MAPKAPK2: variants seen among roughly 807,000 people sequenced by gnomAD.
The protein encoded by MAPKAPK2 is MAP kinase-activated protein kinase 2.
MAPKAPK2 carries 9 observed loss-of-function variants against 48.8 expected under a neutral mutation model. The ratio of observed to expected loss-of-function variants is 0.18; its 90% CI spans 0.11 to 0.32. MAPKAPK2 has a LOEUF of 0.32. MAPKAPK2 is among the 10% of genes least tolerant of loss of function. The pLI, the probability that MAPKAPK2 is intolerant of heterozygous loss-of-function variation, is 1.00. For synonymous variants in MAPKAPK2, 202 were observed against 190.6 expected, an observed-to-expected ratio of 1.06 and a Z score of -0.49; for missense variants, 331 against 498.3, an observed-to-expected ratio of 0.66 and a Z score of 3.20.
chr1:206,696,766 A>T (rs74147160), intron 1 of MAPKAPK2, among the ~76,000 whole-genome samples: 2,088 of 152,306 alleles, frequency 0.014, 36 homozygotes, highest in African/African-American at 0.048. Flanking sequence ...TAGCTGCTGA[A>T]TAAAGGTGTG....
At chr1:206,716,775 C>T (rs1247741521) in intron 1 of MAPKAPK2, among the ~76,000 whole-genome samples, 1 of 151,938 alleles carries the variant, frequency 6.6e-6, no homozygotes, top group African/African-American at 2.4e-5. Flanking sequence ...CTAGTTTGTC[C>T]ATCTCTGTGG....
At chr1:206,709,218 A>T (rs1039406599) in intron 1 of MAPKAPK2, among the ~76,000 whole-genome samples, 1 of 152,188 alleles carries the variant, frequency 6.6e-6, no homozygotes, top group African/African-American at 2.4e-5. Flanking sequence ...CTGTTATCAC[A>T]TCCAGTCCCT....
At chr1:206,695,931 C>T in intron 1 of MAPKAPK2, 3 of 664,768 alleles carry the variant, frequency 4.5e-6, no homozygotes, top group Non-Finnish European at 2.7e-6. Flanking sequence ...GGCAAGGGCC[C>T]TGAGGGCCAC....
intron 1 of MAPKAPK2, among the ~76,000 whole-genome samples, chr1:206,725,900 C>G (rs782491721): frequency 2.8e-4 from 42 of 152,142 alleles, no homozygotes; most frequent in Non-Finnish European, 3.1e-4. Flanking sequence ...TCTTCTGCCC[C>G]CCACTAGCCT....
At chr1:206,701,718 G>T (rs972914118) in intron 1 of MAPKAPK2, among the ~76,000 whole-genome samples, 6 of 150,000 alleles carry the variant, frequency 4.0e-5, no homozygotes, top group African/African-American at 1.5e-4. Flanking sequence ...CACATGGTTC[G>T]ATCTACTCAG....
intron 1 of MAPKAPK2, among the ~76,000 whole-genome samples, chr1:206,711,040 T>G (rs1199372576): frequency 1.3e-5 from 2 of 152,232 alleles, no homozygotes; most frequent in Non-Finnish European, 2.9e-5. Flanking sequence ...ATTTTCCTCA[T>G]TGGTGATTAG....
chr1:206,729,277 G>T (rs1336891725), intron 3 of MAPKAPK2, 119 bp from the exon 4 acceptor site: 18 of 1,079,530 alleles, frequency 1.7e-5, no homozygotes, highest in Admixed American at 8.7e-5. Context: ...TCTGGGGTGG[G>T]TGGTGGCTGT....
At position 206,730,013 on chromosome 1, in the gene MAPKAPK2, C is replaced by G; in HGVS notation, c.606C>G (p.Ile202Met). The G allele has an allele frequency of 6.2e-7, 1 of 1,614,276 alleles. No individual in the cohort carries two copies. Among genetic ancestry groups the G allele is most frequent in the African/African-American group, 1.3e-5 (1 of 75,078 alleles). ...LLYTSKRPNA[I>M]LKLTDFGFAK... ...ACACCTCCAAAAGGCCCAACGCCAT[C>G]CTGAAACTCACTGACTTTGGCTTTG... is the stretch of plus-strand genomic sequence containing the variant. Residue 202 changes from isoleucine (I) to methionine (M), a missense_variant, in exon 5 of 10, where the codon ATC becomes ATG. Transcript: ENST00000367103.
rs781869432 is a variant in MAPKAPK2 at position 206,731,113 on chromosome 1, C to T, written c.768-25C>T. The T allele has an allele frequency of 1.4e-5, 23 of 1,614,186 alleles. No homozygotes were observed. The Admixed American group carries it at 2.2e-4, about 15-fold the overall frequency. ...ACTAAGTGACAGCTGTTCTGTCTCC[C>T]ACTTCCTTCCTCCTGTTGATGCAGG... On this transcript the variant is annotated intron_variant, in intron 6 of 9. Coordinates refer to ENST00000367103, the MANE Select transcript of MAPKAPK2 (RefSeq NM_032960.4). The surrounding 1 kb of genome is among the most constrained non-coding windows in gnomAD (Gnocchi z 5.9).
chr1:206,722,520 C>T (rs1673555996), intron 1 of MAPKAPK2, among the ~76,000 whole-genome samples: 1 of 152,030 alleles, frequency 6.6e-6, no homozygotes, highest in Non-Finnish European at 1.5e-5. Flanking sequence ...TATCTTTATT[C>T]TTGAATAAAA....
intron 1 of MAPKAPK2, among the ~76,000 whole-genome samples, chr1:206,717,619 C>T (rs1208299137): frequency 6.6e-6 from 1 of 152,158 alleles, no homozygotes; most frequent in Non-Finnish European, 1.5e-5. Flanking sequence ...TGGCCTCTGA[C>T]CTAGAGTTAT....
chr1:206,712,710 A>C (rs1013688024), intron 1 of MAPKAPK2, among the ~76,000 whole-genome samples: 4 of 152,086 alleles, frequency 2.6e-5, no homozygotes, highest in Non-Finnish European at 5.9e-5. Flanking sequence ...TGCCTGCTGT[A>C]ATCCCAGTAT....
intron 1 of MAPKAPK2, among the ~76,000 whole-genome samples, chr1:206,687,100 CAGGAGTGTTTGCTG>C: frequency 6.6e-6 from 1 of 152,292 alleles, no homozygotes; most frequent in Non-Finnish European, 1.5e-5. Flanking sequence ...ACGGTCTTTA[CAGGAGTGTTTGCTG>C]TCCCCTCTGA....
chr1:206,687,850 A>T (rs1022025226), intron 1 of MAPKAPK2, among the ~76,000 whole-genome samples: 6 of 152,192 alleles, frequency 3.9e-5, no homozygotes, highest in African/African-American at 1.4e-4. Context: ...TCTATTCTAC[A>T]GTGTGCCGAG....
chr1:206,726,353 C>T (rs1673701645), intron 1 of MAPKAPK2, among the ~76,000 whole-genome samples: 1 of 152,262 alleles, frequency 6.6e-6, no homozygotes, highest in African/African-American at 2.4e-5. Flanking sequence ...TGCCACTGCA[C>T]TCCAGCCTGG....
At chr1:206,717,248 G>A (rs1230996360) in intron 1 of MAPKAPK2, among the ~76,000 whole-genome samples, 3 of 152,190 alleles carry the variant, frequency 2.0e-5, no homozygotes, top group South Asian at 4.1e-4. Flanking sequence ...CTTGGTTGCC[G>A]CACCTGTACG....
At chr1:206,706,486 G>C (rs1572492412) in intron 1 of MAPKAPK2, among the ~76,000 whole-genome samples, 1 of 152,318 alleles carries the variant, frequency 6.6e-6, no homozygotes, top group East Asian at 1.9e-4. Context: ...AACTGGGCTT[G>C]TACTTGCAGA....
chr1:206,728,748 G>C lies in MAPKAPK2; in HGVS notation c.318G>C (p.Glu106Asp). Residue 106 changes from glutamate (E) to aspartate (D), a missense_variant, in exon 2 of 10, where the codon GAG (glutamate) becomes GAC (aspartate). Transcript: ENST00000367103. The stretch of plus-strand genomic sequence containing the variant: ...GCCCCAAGGCCCGCAGGGAGGTGGA[G>C]CTGCACTGGCGGGCCTCCCAGTGCC... Reference protein sequence around the residue: ...QDCPKARREVELHWRASQCPH... With the variant: ...QDCPKARREVDLHWRASQCPH... 6.2e-7 allele frequency: 1 copy of C among 1,614,206 alleles called. No individual in the cohort carries two copies.
intron 1 of MAPKAPK2, among the ~76,000 whole-genome samples, chr1:206,727,035 T>C (rs1673722331): frequency 6.6e-6 from 1 of 152,152 alleles, no homozygotes; most frequent in Non-Finnish European, 1.5e-5. Context: ...TCCCTCTGCC[T>C]GTCCATTTCC....
Sources: allele counts gnomAD v4.1 joint callset (sites outside exome capture counted in the v4.1 genomes callset), GRCh38; gene constraint gnomAD v4.1.1; non-coding constraint Gnocchi (gnomAD v3.1); transcripts MANE v1.5; gene names NCBI Gene and HGNC (gene_info 2026-07-23, HGNC 2026-07-21).